The following OLFM3 variants were observed in gnomAD, a reference collection of about 807,000 sequenced individuals.
The protein encoded by OLFM3 is olfactomedin 3.
A neutral mutation model predicts 48.6 loss-of-function variants in OLFM3; 20 were observed. That is an observed-to-expected ratio of 0.41 (90% confidence interval 0.29 to 0.60). The LOEUF is 0.60. OLFM3 is among the 20% of genes least tolerant of loss of function. The pLI, the probability that OLFM3 is intolerant of heterozygous loss-of-function variation, is 0.28. For synonymous variants in OLFM3, 222 were observed against 198.1 expected, an observed-to-expected ratio of 1.12 and a Z score of -1.01; for missense variants, 437 against 544.3, an observed-to-expected ratio of 0.80 and a Z score of 1.96.
chr1:101,877,259 A>G (rs79740294), intron 1 of OLFM3, among the ~76,000 whole-genome samples: 3,424 of 152,066 alleles, frequency 0.023, 149 homozygotes, highest in African/African-American at 0.078. Context: ...AAGCTTTAAG[A>G]GTGACACCAT....
chr1:101,927,397 T>A (rs1248583772), intron 1 of OLFM3, among the ~76,000 whole-genome samples: 1 of 152,084 alleles, frequency 6.6e-6, no homozygotes, highest in Non-Finnish European at 1.5e-5. Context: ...GGAAGACTTG[T>A]CACATCACTC....
At chr1:101,983,921 C>T (rs1029046084) in intron 1 of OLFM3, among the ~76,000 whole-genome samples, 4 of 152,026 alleles carry the variant, frequency 2.6e-5, no homozygotes, top group South Asian at 2.1e-4. Context: ...CTGATGACAG[C>T]GATGGAGAAG....
chr1:101,878,789 A>G (rs1373971765), intron 1 of OLFM3, among the ~76,000 whole-genome samples: 1 of 151,862 alleles, frequency 6.6e-6, no homozygotes, highest in Non-Finnish European at 1.5e-5. Context: ...GTCCTTGAAA[A>G]CTAATGAAGA....
At chr1:101,932,804 T>C (rs1437184504) in intron 1 of OLFM3, among the ~76,000 whole-genome samples, 1 of 152,272 alleles carries the variant, frequency 6.6e-6, no homozygotes, top group Middle Eastern at 3.4e-3. Context: ...GTTCTTAATA[T>C]GGCTGAAATG....
intron 1 of OLFM3, among the ~76,000 whole-genome samples, chr1:101,863,576 G>A (rs562285099): frequency 1.3e-5 from 2 of 152,194 alleles, no homozygotes; most frequent in East Asian, 1.9e-4. Context: ...CATATACTCT[G>A]AAACATTGTA....
At chr1:101,984,447 G>A (rs769948406) in intron 1 of OLFM3, among the ~76,000 whole-genome samples, 1 of 152,072 alleles carries the variant, frequency 6.6e-6, no homozygotes. Context: ...GCCCAGACTA[G>A]AGTGCAGAGG....
At chr1:101,935,817 CAT>C (rs1659595420) in intron 1 of OLFM3, among the ~76,000 whole-genome samples, 1 of 151,960 alleles carries the variant, frequency 6.6e-6, no homozygotes, top group Admixed American at 6.6e-5. Context: ...CAAGATTAAA[CAT>C]ACACAAATCC....
chr1:101,945,851 A>G (rs1173390956), intron 1 of OLFM3, among the ~76,000 whole-genome samples: 1 of 129,326 alleles, frequency 7.7e-6, no homozygotes, highest in Non-Finnish European at 1.6e-5. Flanking sequence ...CAACAAACAC[A>G]ACAGCAACAA....
chr1:101,920,296 A>T (rs1269293008), intron 1 of OLFM3, among the ~76,000 whole-genome samples: 1 of 151,980 alleles, frequency 6.6e-6, no homozygotes, highest in African/African-American at 2.4e-5. Flanking sequence ...TGGCCTATAA[A>T]CTCCTGCATT....
chr1:101,995,281 C>T (rs960271855), intron 1 of OLFM3, among the ~76,000 whole-genome samples: 1 of 151,880 alleles, frequency 6.6e-6, no homozygotes, highest in Non-Finnish European at 1.5e-5. Flanking sequence ...AAGTTTTAAA[C>T]AATATCATAT....
intron 1 of OLFM3, among the ~76,000 whole-genome samples, chr1:101,978,431 T>C (rs1328461998): frequency 1.3e-5 from 2 of 152,162 alleles, no homozygotes; most frequent in Non-Finnish European, 2.9e-5. Context: ...ATTTAATTGA[T>C]AGGATAATTT....
intron 1 of OLFM3, among the ~76,000 whole-genome samples, chr1:101,942,799 T>A (rs1212419195): frequency 6.6e-6 from 1 of 152,194 alleles, no homozygotes; most frequent in Non-Finnish European, 1.5e-5. Flanking sequence ...AGAAGCCAAA[T>A]TTCCATTCTT....
At chr1:101,990,924 G>A (rs577716760) in intron 1 of OLFM3, among the ~76,000 whole-genome samples, 3 of 141,090 alleles carry the variant, frequency 2.1e-5, no homozygotes, top group Middle Eastern at 3.8e-3. Context: ...GGCAGAGCTT[G>A]CAGTGAGCCG....
At chr1:101,875,078 T>C (rs527846050) in intron 1 of OLFM3, among the ~76,000 whole-genome samples, 3 of 152,014 alleles carry the variant, frequency 2.0e-5, no homozygotes, top group Non-Finnish European at 4.4e-5. Flanking sequence ...AAGATATTAG[T>C]TTATGAAAAA....
At chr1:101,977,706 G>A (rs1396861377) in intron 1 of OLFM3, among the ~76,000 whole-genome samples, 1 of 151,978 alleles carries the variant, frequency 6.6e-6, no homozygotes. Context: ...ATCAATGGTT[G>A]CTATTTTTTT....
At chr1:101,813,639 C>A (rs1654183506) in intron 4 of OLFM3, among the ~76,000 whole-genome samples, 1 of 152,052 alleles carries the variant, frequency 6.6e-6, no homozygotes, top group South Asian at 2.1e-4. Context: ...TAGTGTTTTG[C>A]ATTATTTGAT....
intron 1 of OLFM3, among the ~76,000 whole-genome samples, chr1:101,956,027 C>CAGTTTT (rs1468824984): frequency 6.7e-6 from 1 of 149,074 alleles, no homozygotes; most frequent in Non-Finnish European, 1.5e-5. Flanking sequence ...CAAATTCTGT[C>CAGTTTT]AGTTTTACTT....
At chr1:101,843,629 A>T (rs1374699942) in intron 1 of OLFM3, among the ~76,000 whole-genome samples, 1 of 152,236 alleles carries the variant, frequency 6.6e-6, no homozygotes, top group East Asian at 1.9e-4. Flanking sequence ...AGCTGTATTT[A>T]ACTACTTACT....
chr1:101,988,554 A>G (rs1475074154), intron 1 of OLFM3, among the ~76,000 whole-genome samples: 5 of 152,138 alleles, frequency 3.3e-5, no homozygotes, highest in Non-Finnish European at 7.4e-5. Flanking sequence ...TGTCTGATGG[A>G]AAAATGGATC....
Sources: gnomAD v4.1 joint callset for allele counts (sites outside exome capture counted in the v4.1 genomes callset) on GRCh38, gnomAD v4.1.1 for gene constraint, MANE v1.5 for transcripts, NCBI Gene and HGNC (gene_info 2026-07-23, HGNC 2026-07-21) for gene names.